CCNG2: variants seen among roughly 807,000 people sequenced by gnomAD.
The protein encoded by CCNG2 is cyclin-G2.
In CCNG2, 20 loss-of-function variants were observed where a neutral mutation model predicts 36.5. The ratio of observed to expected loss-of-function variants is 0.55; its 90% confidence interval spans 0.39 to 0.80. CCNG2 has a LOEUF of 0.80. CCNG2 is among the 30% of genes least tolerant of loss of function. The pLI is 0.00. For synonymous variants in CCNG2, 155 were observed against 140.1 expected (o/e 1.11, Z -0.75); for missense variants, 358 against 390.8 (o/e 0.92, Z 0.71).
chr4:77,161,275 T>C (rs1000097436), intron 4 of CCNG2, among the ~76,000 whole-genome samples: 6 of 152,090 alleles, frequency 3.9e-5, no homozygotes, highest in Admixed American at 3.9e-4. Flanking sequence ...GCTAATTTTA[T>C]ATTTTTAGTA....
intron 6 of CCNG2, among the ~76,000 whole-genome samples, chr4:77,163,893 G>C (rs1731553090): frequency 6.6e-6 from 1 of 152,178 alleles, no homozygotes; most frequent in Non-Finnish European, 1.5e-5. Flanking sequence ...AAATTCCTTT[G>C]CATTGAGACT....
At chr4:77,161,190 C>T (rs764107527) in intron 4 of CCNG2, among the ~76,000 whole-genome samples, 2 of 149,932 alleles carry the variant, frequency 1.3e-5, no homozygotes, top group African/African-American at 2.5e-5. Context: ...GCAACCTCCA[C>T]TTCCCGGGTT....
Position 77,169,596 on chromosome 4 carries a change from T to C in CCNG2, c.*3672T>C, listed in dbSNP as rs886611258. 4.6e-5 allele frequency: 7 copies of C among 152,234 alleles called. No individual in the cohort carries two copies. The highest frequency in any genetic ancestry group is 1.7e-4 in the African/African-American group (7 of 41,456). The allele number at this position is 152,234 out of a possible 1,614,324, so 9.4% of individuals were successfully genotyped here. On this transcript the variant is annotated 3_prime_UTR_variant, in exon 8 of 8. Transcript: ENST00000316355. ...TTAGTATATGTCCAAGCCTAGGCTT[T>C]AAGAGACTGGCAGCTTTCCTTTTAT...
chr4:77,159,892 C>T (rs949034568), intron 3 of CCNG2, among the ~76,000 whole-genome samples: 4 of 152,062 alleles, frequency 2.6e-5, no homozygotes, highest in East Asian at 1.9e-4. Flanking sequence ...TAAATATGAC[C>T]GGCTGCCTTC....
intron 3 of CCNG2, 96 bp downstream of exon 3, chr4:77,159,600 G>C: frequency 8.7e-7 from 1 of 1,143,038 alleles, no homozygotes; most frequent in Non-Finnish European, 1.2e-6. Flanking sequence ...GTATAATAAC[G>C]TCCACTGTAC....
In CCNG2 at chr4:77,167,481, G is replaced by C. The variant is rs1344809253; in HGVS notation, c.*1557G>C. 6.6e-6 allele frequency: 1 copy of C among 152,218 alleles called. No individual in the cohort carries two copies. Among genetic ancestry groups the C allele is most frequent in the Non-Finnish European group, 1.5e-5 (1 of 68,050 alleles). 9.4% of individuals were successfully genotyped at this position (152,218 alleles called of 1,614,324 possible). ...ATTAATTTTCAGTGAGAGGCAACAG[G>C]TATTAAGTAGAACAGAATGCTCAGG... On this transcript the variant is annotated 3_prime_UTR_variant, in exon 8 of 8. Coordinates refer to ENST00000316355, the MANE Select transcript of CCNG2 (RefSeq NM_004354.3).
chr4:77,158,568 T>A lies in CCNG2; in HGVS notation c.36T>A (p.His12Gln), dbSNP rs142033422. 53 of 1,614,004 alleles carry A rather than the reference T, an allele frequency of 3.3e-5. No individual in the cohort carries two copies. The African/African-American group carries it at 6.1e-4, about 19-fold the overall frequency. Residue 12 changes from histidine to glutamine, a missense_variant, in exon 2 of 8, where the codon CAT (histidine) becomes CAA (glutamine). By Grantham distance (24) the His-to-Gln change is conservative. Coordinates refer to ENST00000316355, the MANE Select transcript of CCNG2 (RefSeq NM_004354.3). ...TGGGGGCAGAGCACTTGGCAGGTCA[T>A]GAAGGGGTCCAACTTCTCGGGTTGT... ...KDLGAEHLAGHEGVQLLGLLN... is the reference protein window; with the variant it reads ...KDLGAEHLAGQEGVQLLGLLN...
At chr4:77,158,776 A>G in intron 2 of CCNG2, 106 bp downstream of exon 2, 1 of 1,202,050 alleles carries the variant, frequency 8.3e-7, no homozygotes. Flanking sequence ...AATTTCTTAA[A>G]AGTTGTTCTT....
chr4:77,166,133 A>G lies in CCNG2; in HGVS notation c.*209A>G, dbSNP rs1731628908. On this transcript the variant is annotated 3_prime_UTR_variant, in exon 8 of 8. Transcript: ENST00000316355. Reference sequence around the variant, plus strand: ...TAGTGCCTCTTAAACCATTAACAGTACTTTAGACATTGGCACTTTATTTTT... The same window carrying G: ...TAGTGCCTCTTAAACCATTAACAGTGCTTTAGACATTGGCACTTTATTTTT... 1 of 365,760 alleles carries G rather than the reference A, an allele frequency of 2.7e-6. No individual in the cohort carries two copies. Among genetic ancestry groups the G allele is most frequent in the Non-Finnish European group, 4.8e-6 (1 of 206,686 alleles). 22.7% of individuals were successfully genotyped at this position (365,760 alleles called of 1,614,324 possible).
rs2109928564 is a variant in CCNG2 at position 77,169,424 on chromosome 4, T to C, written c.*3500T>C. The C allele has an allele frequency of 6.6e-6, 1 of 152,136 alleles. No homozygotes were observed. Among genetic ancestry groups the C allele is most frequent in the South Asian group, 2.1e-4 (1 of 4,814 alleles). 9.4% of individuals were successfully genotyped at this position (152,136 alleles called of 1,614,324 possible). On this transcript the variant is annotated 3_prime_UTR_variant, in exon 8 of 8. Transcript: ENST00000316355. ...GTGTTTAGCAAATCAAATTGTGTGA[T>C]AGATAGTTTCCCAGTATGATGGCCA...
At position 77,166,459 on chromosome 4, in the gene CCNG2, G is replaced by A. The variant is rs1449817828; in HGVS notation, c.*535G>A. 1 of 152,132 alleles carries A rather than the reference G, an allele frequency of 6.6e-6. No homozygotes were observed. The highest frequency in any genetic ancestry group is 1.5e-5 in the Non-Finnish European group (1 of 68,022). The allele number at this position is 152,132 out of a possible 1,614,324, so 9.4% of individuals were successfully genotyped here. A position where few individuals can be genotyped will look rare whatever the true frequency, so the allele number is the denominator to read the frequency against. On this transcript the variant is annotated 3_prime_UTR_variant, in exon 8 of 8. Transcript: ENST00000316355. ...ATGATCAGTGTCTATTTGATGTGAT[G>A]CAGATCTTATAAATTTGGGAATTAT...
Position 77,166,164 on chromosome 4 carries a change from A to G in CCNG2, c.*240A>G, listed in dbSNP as rs1408485887. On this transcript the variant is annotated 3_prime_UTR_variant, in exon 8 of 8. Coordinates refer to ENST00000316355, the MANE Select transcript of CCNG2 (RefSeq NM_004354.3). ...GACATTGGCACTTTATTTTTCTCGTAGATCTTTAGCTACTTTGGGGAGGAG... is the reference window on the plus strand; with the variant it reads ...GACATTGGCACTTTATTTTTCTCGTGGATCTTTAGCTACTTTGGGGAGGAG... 2 of 294,406 alleles carry G rather than the reference A, an allele frequency of 6.8e-6. No homozygotes were observed. The highest frequency in any genetic ancestry group is 1.3e-5 in the Non-Finnish European group (2 of 159,952). 18.2% of individuals were successfully genotyped at this position (294,406 alleles called of 1,614,324 possible).
rs1484729845 is a variant in CCNG2 at position 77,164,332 on chromosome 4, ATTC to A, written c.769_771del (p.Ser257del). The A allele has an allele frequency of 6.2e-6, 10 of 1,613,878 alleles. No homozygotes were observed. Among genetic ancestry groups the A allele is most frequent in the African/African-American group, 2.7e-5 (2 of 74,850 alleles). ...TTGGTTTCTAAATGCCTAGCCGAGT[ATTC>A]TTCTCCTGAATGTTGCAAACCAGAT... On this transcript the variant is annotated inframe_deletion, in exon 7 of 8. Transcript: ENST00000316355.
At chr4:77,161,277 T>G (rs1731429504) in intron 4 of CCNG2, among the ~76,000 whole-genome samples, 1 of 152,028 alleles carries the variant, frequency 6.6e-6, no homozygotes, top group Admixed American at 6.5e-5. Flanking sequence ...TAATTTTATA[T>G]TTTTAGTAGA....
rs1253495864 is a variant in CCNG2, at chr4:77,169,045, G to C, written c.*3121G>C. ...ACTGTTTCCTCCTCCCAGGAAGTGT[G>C]GTTAGACAAATAATGTGTTTTAATT... On this transcript the variant is annotated 3_prime_UTR_variant, in exon 8 of 8. Transcript: ENST00000316355. The C allele has an allele frequency of 6.6e-6, 1 of 152,192 alleles. No homozygotes were observed. Among genetic ancestry groups the C allele is most frequent in the East Asian group, 1.9e-4 (1 of 5,196 alleles). The allele number at this position is 152,192 out of a possible 1,614,324, so 9.4% of individuals were successfully genotyped here.
At chr4:77,160,649 C>G in intron 3 of CCNG2, 72 bp from the exon 4 acceptor site, 1 of 1,433,008 alleles carries the variant, frequency 7.0e-7, no homozygotes, top group South Asian at 1.3e-5. Flanking sequence ...ATAGGAGCAT[C>G]ATTACAATAT....
rs1731276785 is a variant in CCNG2, at chr4:77,157,221, C to A, written c.-286C>A. The A allele has an allele frequency of 6.6e-6, 1 of 152,210 alleles. No individual in the cohort carries two copies. The highest frequency in any genetic ancestry group is 1.5e-5 in the Non-Finnish European group (1 of 68,066). The allele number at this position is 152,210 out of a possible 1,614,324, so 9.4% of individuals were successfully genotyped here. ...GGGGCGTCGAAACTCTTAACAAAAA[C>A]AAGGGGCTCGGGGAGGTTTCCGCTG... On this transcript the variant is annotated 5_prime_UTR_variant, in exon 1 of 8. Coordinates refer to ENST00000316355, the MANE Select transcript of CCNG2 (RefSeq NM_004354.3).
At chr4:77,157,992 C>T (rs935021828) in intron 1 of CCNG2, among the ~76,000 whole-genome samples, 2 of 151,922 alleles carry the variant, frequency 1.3e-5, no homozygotes, top group African/African-American at 4.8e-5. Context: ...ATCGGCGCTG[C>T]AGCAGCGGAC....
At chr4:77,163,703 G>C (rs1731546906) in intron 6 of CCNG2, among the ~76,000 whole-genome samples, 1 of 152,126 alleles carries the variant, frequency 6.6e-6, no homozygotes, top group Non-Finnish European at 1.5e-5. Flanking sequence ...AAACAAAAAA[G>C]AAATAAACTG....
Sources: gnomAD v4.1 joint callset for allele counts (sites outside exome capture counted in the v4.1 genomes callset) on GRCh38, gnomAD v4.1.1 for gene constraint, MANE v1.5 for transcripts, NCBI Gene and HGNC (gene_info 2026-07-23, HGNC 2026-07-21) for gene names.